Variants in MACROD1 observed in about 807,000 individuals in gnomAD.
MACROD1 encodes the protein ADP-ribose glycohydrolase MACROD1.
A neutral mutation model predicts 41.4 loss-of-function variants in MACROD1; 31 were observed. The ratio of observed to expected loss-of-function variants is 0.75; its 90% CI spans 0.56 to 1.01. The LOEUF (loss-of-function observed/expected upper bound fraction) is 1.01. Among genes scored for constraint, MACROD1 ranks in the 50% least tolerant of loss-of-function variants. MACROD1 has a pLI of 0.00. For synonymous variants in MACROD1, 252 were observed against 203.4 expected (o/e 1.24, Z -2.03); for missense variants, 473 against 460.0 (o/e 1.03, Z -0.26).
At chr11:64,140,721 T>C (rs988180902) in intron 3 of MACROD1, among the ~76,000 whole-genome samples, 1 of 152,250 alleles carries the variant, frequency 6.6e-6, no homozygotes. Context: ...CATGCACTCT[T>C]ATCCCTGTTT....
intron 3 of MACROD1, among the ~76,000 whole-genome samples, chr11:64,048,021 C>A (rs1170167300): frequency 6.6e-6 from 1 of 152,188 alleles, no homozygotes; most frequent in African/African-American, 2.4e-5. Flanking sequence ...TGAGCCACCA[C>A]TTCAGAGTGG....
chr11:64,136,609 TG>T (rs1945336105), intron 3 of MACROD1, among the ~76,000 whole-genome samples: 1 of 152,276 alleles, frequency 6.6e-6, no homozygotes, highest in Non-Finnish European at 1.5e-5. Context: ...ACAAGGCCTG[TG>T]GGGGTAACAT....
intron 3 of MACROD1, among the ~76,000 whole-genome samples, chr11:64,119,732 T>C (rs2134631277): frequency 6.6e-6 from 1 of 152,300 alleles, no homozygotes; most frequent in East Asian, 1.9e-4. Context: ...GAAAGGGCCC[T>C]GACTGGGACC....
intron 3 of MACROD1, among the ~76,000 whole-genome samples, chr11:64,136,885 G>C (rs1945340464): frequency 6.6e-6 from 1 of 152,242 alleles, no homozygotes; most frequent in South Asian, 2.1e-4. Flanking sequence ...GGGATGGGGG[G>C]ATGAGGAAGT....
intron 3 of MACROD1, among the ~76,000 whole-genome samples, chr11:64,093,459 T>C (rs999827685): frequency 6.6e-6 from 1 of 152,248 alleles, no homozygotes; most frequent in Non-Finnish European, 1.5e-5. Context: ...GCCTGGCATC[T>C]CTGCCAGTGG....
intron 3 of MACROD1, among the ~76,000 whole-genome samples, chr11:64,098,501 C>G (rs370018501): frequency 1.3e-5 from 2 of 152,198 alleles, no homozygotes; most frequent in Non-Finnish European, 2.9e-5. Flanking sequence ...CCAGTGCCCT[C>G]GGGAGAGAGG....
intron 3 of MACROD1, 124 bp downstream of exon 3, chr11:64,151,115 G>A: frequency 3.9e-6 from 3 of 763,818 alleles, no homozygotes; most frequent in South Asian, 3.2e-5. Flanking sequence ...GCGCCAGCAG[G>A]CTGTCCTTGC....
At chr11:64,148,666 T>G in intron 3 of MACROD1, 1 of 906,990 alleles carries the variant, frequency 1.1e-6, no homozygotes, top group Non-Finnish European at 1.3e-6. Flanking sequence ...CTCTTCCTGC[T>G]TGAAACTTTA....
intron 4 of MACROD1, among the ~76,000 whole-genome samples, chr11:64,007,297 T>A (rs1590793862): frequency 6.6e-6 from 1 of 150,596 alleles, no homozygotes; most frequent in African/African-American, 2.5e-5. Flanking sequence ...GTGGGCGTGG[T>A]GAAAAAGGAG....
chr11:64,139,536 G>A (rs1945380019), intron 3 of MACROD1, among the ~76,000 whole-genome samples: 1 of 152,226 alleles, frequency 6.6e-6, no homozygotes, highest in South Asian at 2.1e-4. Flanking sequence ...AGTCCTGTGG[G>A]TGGTGAAGTG....
At chr11:64,114,485 TTGAA>T (rs1386138447) in intron 3 of MACROD1, among the ~76,000 whole-genome samples, 7 of 93,986 alleles carry the variant, frequency 7.4e-5, no homozygotes, top group Admixed American at 3.0e-4. Flanking sequence ...GGAGGGATGG[TTGAA>T]TGGATGGATG....
chr11:64,114,432 A>AATGG (rs141357642), intron 3 of MACROD1, among the ~76,000 whole-genome samples: 77 of 112,376 alleles, frequency 6.9e-4, no homozygotes, highest in African/African-American at 2.1e-3. Flanking sequence ...GGGATGGTTG[A>AATGG]ATGGATGGAT....
At chr11:64,162,546 G>C (rs1315545405) in intron 1 of MACROD1, among the ~76,000 whole-genome samples, 1 of 152,074 alleles carries the variant, frequency 6.6e-6, no homozygotes, top group Admixed American at 6.6e-5. Context: ...CGGCCACAGT[G>C]GCTCACGACT....
chr11:64,148,575 G>A (rs1286999756), intron 3 of MACROD1, among the ~76,000 whole-genome samples: 1 of 152,180 alleles, frequency 6.6e-6, no homozygotes, highest in Non-Finnish European at 1.5e-5. Context: ...TATTGTGGTG[G>A]CTCCGTGGTA....
chr11:64,128,399 G>A (rs1590949127), intron 3 of MACROD1, among the ~76,000 whole-genome samples: 1 of 152,308 alleles, frequency 6.6e-6, no homozygotes, highest in South Asian at 2.1e-4. Context: ...GTGTATTCCT[G>A]CCTCATGGAG....
chr11:64,109,512 G>A (rs1308413426), intron 3 of MACROD1, among the ~76,000 whole-genome samples: 1 of 152,186 alleles, frequency 6.6e-6, no homozygotes, highest in African/African-American at 2.4e-5. Context: ...GGGTGGAAAG[G>A]GGAGGGACAG....
rs559947586 is a variant in MACROD1, at chr11:64,064,718, C to T, written c.518-49437G>A. 1.7e-4 allele frequency among the ~76,000 whole-genome samples: 26 copies of T among 150,518 alleles called. No homozygotes were observed. Among genetic ancestry groups the T allele is most frequent in the African/African-American group, 6.1e-4 (25 of 41,200 alleles). ...GGCCCTCCCTGAGTTCTCCTCTCCCCTCCCTGCCAGCCCCCCAGCAGGCAG... is the reference window on the plus strand; with the variant it reads ...GGCCCTCCCTGAGTTCTCCTCTCCCTTCCCTGCCAGCCCCCCAGCAGGCAG... On this transcript the variant is annotated intron_variant, in intron 3 of 10. Coordinates refer to ENST00000255681, the MANE Select transcript of MACROD1 (RefSeq NM_014067.4). This position sits in a 1 kb window ranked among gnomAD's most constrained non-coding sequence, Gnocchi z 4.5.
chr11:63,998,652 CCT>C lies in MACROD1; in HGVS notation c.*64_*65del. The C allele has an allele frequency of 7.6e-7, 1 of 1,310,748 alleles. No individual in the cohort carries two copies. The highest frequency in any genetic ancestry group is 9.7e-7 in the Non-Finnish European group (1 of 1,033,002). 81.2% of individuals were successfully genotyped at this position (1,310,748 alleles called of 1,614,324 possible). ...CAGGCCAGGCTGCAGGCTTTGGCGA[CCT>C]CTCAGAGCTGGGAGCGGGGTCCCGA... On this transcript the variant is annotated 3_prime_UTR_variant, in exon 11 of 11. Coordinates refer to ENST00000255681, the MANE Select transcript of MACROD1 (RefSeq NM_014067.4).
chr11:64,158,884 G>A (rs938526992), intron 1 of MACROD1, among the ~76,000 whole-genome samples: 1 of 152,056 alleles, frequency 6.6e-6, no homozygotes. Context: ...AAAACTGAGG[G>A]TATTCAATTA....
Sources: gnomAD v4.1 joint callset for allele counts (sites outside exome capture counted in the v4.1 genomes callset) on GRCh38, gnomAD v4.1.1 for gene constraint, Gnocchi (gnomAD v3.1) non-coding constraint, MANE v1.5 for transcripts, NCBI Gene and HGNC (gene_info 2026-07-23, HGNC 2026-07-21) for gene names.